Variants in PUDP observed in about 807,000 individuals in gnomAD.
PUDP encodes pseudouridine 5'-phosphatase.
In PUDP, 8 loss-of-function variants were observed where a neutral mutation model predicts 9.4. That is an observed-to-expected ratio of 0.85 (90% CI 0.50 to 1.53). The LOEUF (loss-of-function observed/expected upper bound fraction) is 1.53. Among genes scored for constraint, PUDP ranks in the 40% most tolerant of loss-of-function variants. The pLI is 0.00. For missense variants in PUDP, 188 were observed against 189.7 expected (o/e 0.99, Z 0.05); for synonymous variants, 99 against 80.7 (o/e 1.23, Z -1.22).
intron 3 of PUDP, among the ~76,000 whole-genome samples, chrX:6,862,468 C>T (rs997382971): frequency 4.4e-5 from 5 of 112,381 alleles, no homozygotes; most frequent in Admixed American, 2.8e-4. Flanking sequence ...GAAACAAATG[C>T]TTTTTTTCCA....
intron 1 of PUDP, 110 bp downstream of exon 1, chrX:7,147,943 C>T (rs1375185353): frequency 9.7e-6 from 6 of 616,313 alleles, no homozygotes; most frequent in Admixed American, 3.3e-5. Context: ...AGCGTCCCTG[C>T]ATGAACACCG....
At chrX:7,090,076 G>A (rs1488376236) in intron 2 of PUDP, among the ~76,000 whole-genome samples, 2 of 111,096 alleles carry the variant, frequency 1.8e-5, no homozygotes. Flanking sequence ...TCCTAGAAAC[G>A]GAATCCAAAA....
chrX:6,720,447 A>G (rs1221300469), intron 1 of PUDP, among the ~76,000 whole-genome samples: 1 of 105,830 alleles, frequency 9.4e-6, no homozygotes, highest in Non-Finnish European at 1.9e-5. Context: ...TTTGGAATCT[A>G]AAGAAGTTGA....
chrX:6,930,713 A>G (rs868499525), intron 3 of PUDP, among the ~76,000 whole-genome samples: 1 of 60,628 alleles, frequency 1.6e-5, no homozygotes, highest in Admixed American at 1.8e-4. Flanking sequence ...CTTTCACTCT[A>G]CTCTGCAGAC....
chrX:7,065,416 G>A (rs1930521924), intron 3 of PUDP, among the ~76,000 whole-genome samples: 2 of 112,192 alleles, frequency 1.8e-5, no homozygotes, highest in Admixed American at 1.9e-4. Flanking sequence ...TTTGATTGGA[G>A]TAGGATTCAC....
At chrX:7,124,141 G>A (rs757439740) in intron 1 of PUDP, among the ~76,000 whole-genome samples, 1 of 112,265 alleles carries the variant, frequency 8.9e-6, no homozygotes, top group South Asian at 3.7e-4. Flanking sequence ...TAGGCCATAT[G>A]CTGGGTCATA....
chrX:6,888,680 G>A (rs1927466904), intron 3 of PUDP, among the ~76,000 whole-genome samples: 1 of 110,706 alleles, frequency 9.0e-6, no homozygotes, highest in South Asian at 3.9e-4. Flanking sequence ...AACAAAAAAA[G>A]GAGGAAATTT....
At position 6,815,830 on chromosome X, in the gene PUDP, A is replaced by T. The variant is rs1351454776; in HGVS notation, c.*248-109364T>A. On this transcript the variant is annotated intron_variant and NMD_transcript_variant, in intron 3 of 3. Coordinates refer to the PUDP transcript ENST00000655425. The stretch of plus-strand genomic sequence containing the variant: ...ATACTTACTGTTTTAAATCAACTAT[A>T]CCAAATCCTCCCATAACTTTTACTC... Among the ~76,000 whole-genome samples, 26 of 109,545 alleles carry T rather than the reference A, an allele frequency of 2.4e-4. No homozygotes were observed. The Admixed American group carries it at 2.4e-3, about 10-fold the overall frequency.
chrX:6,916,341 A>G (rs1156312462), intron 3 of PUDP, among the ~76,000 whole-genome samples: 1 of 109,141 alleles, frequency 9.2e-6, no homozygotes, highest in African/African-American at 3.3e-5. Context: ...TGATTATGCT[A>G]CACACTGTGT....
chrX:6,950,280 A>G (rs1318047243), intron 3 of PUDP, among the ~76,000 whole-genome samples: 4 of 97,710 alleles, frequency 4.1e-5, no homozygotes, highest in African/African-American at 1.5e-4. Flanking sequence ...GGAGGCTGCA[A>G]TGAGCCTTGA....
At chrX:6,954,268 A>T (rs4830699) in intron 3 of PUDP, among the ~76,000 whole-genome samples, 1 of 110,076 alleles carries the variant, frequency 9.1e-6, no homozygotes, top group African/African-American at 3.3e-5. Context: ...TTGGCACTTG[A>T]TAATATTCTG....
At chrX:7,110,531 G>A (rs749044761) in intron 1 of PUDP, among the ~76,000 whole-genome samples, 2 of 111,555 alleles carry the variant, frequency 1.8e-5, no homozygotes, top group South Asian at 7.6e-4. Context: ...CACATATGGT[G>A]ATACGGTTTG....
intron 3 of PUDP, among the ~76,000 whole-genome samples, chrX:6,833,809 A>T (rs1926542850): frequency 8.9e-6 from 1 of 112,224 alleles, no homozygotes; most frequent in South Asian, 3.7e-4. Flanking sequence ...TATTCAGTCT[A>T]CTTCTTGCAA....
At chrX:7,090,701 T>C (rs1429701903) in intron 2 of PUDP, among the ~76,000 whole-genome samples, 4 of 111,634 alleles carry the variant, frequency 3.6e-5, no homozygotes, top group Non-Finnish European at 7.5e-5. Flanking sequence ...GACCCTTTGA[T>C]CATATGCCTC....
intron 3 of PUDP, among the ~76,000 whole-genome samples, chrX:6,778,425 C>A (rs1248356198): frequency 1.8e-5 from 2 of 112,609 alleles, no homozygotes; most frequent in Non-Finnish European, 3.8e-5. Flanking sequence ...CTCCCAAGGC[C>A]AGCCACCCTG....
chrX:7,137,199 C>G (rs2146932490), intron 1 of PUDP, among the ~76,000 whole-genome samples: 1 of 105,761 alleles, frequency 9.5e-6, no homozygotes, highest in East Asian at 3.0e-4. Context: ...CAAGATCGCG[C>G]CATTGCACTC....
At chrX:6,924,697 C>T (rs1928074801) in intron 3 of PUDP, among the ~76,000 whole-genome samples, 1 of 112,157 alleles carries the variant, frequency 8.9e-6, no homozygotes, top group Non-Finnish European at 1.9e-5. Flanking sequence ...ATTGTGATGT[C>T]ATTTTGTCCT....
At chrX:6,846,166 C>T (rs1926742592) in intron 3 of PUDP, among the ~76,000 whole-genome samples, 1 of 110,281 alleles carries the variant, frequency 9.1e-6, no homozygotes, top group African/African-American at 3.3e-5. Flanking sequence ...TCTGGGAGGC[C>T]GAGGCGGGCG....
chrX:6,890,037 C>G (rs1042553807), intron 3 of PUDP, among the ~76,000 whole-genome samples: 4 of 111,262 alleles, frequency 3.6e-5, no homozygotes, highest in Middle Eastern at 4.6e-3. Context: ...GGGTAGCAAG[C>G]TAAGATGGGA....
Sources: allele counts gnomAD v4.1 joint callset (sites outside exome capture counted in the v4.1 genomes callset), GRCh38; gene constraint gnomAD v4.1.1; transcripts MANE v1.5; gene names NCBI Gene and HGNC (gene_info 2026-07-23, HGNC 2026-07-21).